NIPBL: variants seen among roughly 807,000 people sequenced by gnomAD.
NIPBL encodes NIPBL cohesin loading factor, also known as nipped-B-like protein.
In NIPBL, 19 loss-of-function variants were observed where a neutral mutation model predicts 321.8. The ratio of observed to expected loss-of-function variants is 0.06; its 90% CI spans 0.04 to 0.09. The LOEUF (loss-of-function observed/expected upper bound fraction) is 0.09, where lower values mean the gene tolerates loss of function less well. NIPBL is among the 10% of genes least tolerant of loss of function. NIPBL has a pLI of 1.00. For missense variants in NIPBL, 2,210 were observed against 3,327.0 expected (o/e 0.66, Z 8.26); for synonymous variants, 1,106 against 1,114.1 (o/e 0.99, Z 0.14).
intron 1 of NIPBL, among the ~76,000 whole-genome samples, chr5:36,932,044 G>T (rs762146533): frequency 1.3e-5 from 2 of 151,968 alleles, no homozygotes; most frequent in African/African-American, 4.8e-5. Flanking sequence ...TTTCTTCTTT[G>T]ACCCATTGAT....
Position 36,975,767 on chromosome 5 carries a change from T to C in NIPBL, c.869-9T>C. On this transcript the variant is annotated splice_polypyrimidine_tract_variant and intron_variant, in intron 8 of 46. Transcript: ENST00000282516. The stretch of plus-strand genomic sequence containing the variant: ...CACAACTGTTACTTCTATCGAATTA[T>C]TTTTCTAGGCTCAAGACCACCTTTA... 1 of 1,613,258 alleles carries C rather than the reference T, an allele frequency of 6.2e-7. No individual in the cohort carries two copies. The highest frequency in any genetic ancestry group is 1.3e-5 in the African/African-American group (1 of 75,026).
At chr5:36,877,751 T>C (rs1337660312) in intron 1 of NIPBL, among the ~76,000 whole-genome samples, 2 of 152,250 alleles carry the variant, frequency 1.3e-5, no homozygotes, top group Non-Finnish European at 2.9e-5. Flanking sequence ...GGTAATTCTT[T>C]CTCTTTCTAA....
chr5:37,001,463 G>A (rs1325928419), intron 14 of NIPBL, among the ~76,000 whole-genome samples: 3 of 152,130 alleles, frequency 2.0e-5, no homozygotes, highest in Non-Finnish European at 4.4e-5. Context: ...AAAGAATCAT[G>A]AGTAAGTGAG....
At chr5:37,027,283 C>A in intron 31 of NIPBL, 76 bp from the exon 32 acceptor site, 2 of 1,150,006 alleles carry the variant, frequency 1.7e-6, no homozygotes, top group Non-Finnish European at 2.6e-6. Flanking sequence ...ATGTTTCAGG[C>A]TAAAGCATAA....
intron 24 of NIPBL, 24 bp downstream of exon 24, chr5:37,017,186 T>C (rs1390616815): frequency 6.3e-7 from 1 of 1,581,742 alleles, no homozygotes; most frequent in Non-Finnish European, 8.7e-7. Context: ...AGATTAAAAT[T>C]ATGGGAATGA....
chr5:37,034,839 A>G (rs1279148725), intron 32 of NIPBL, among the ~76,000 whole-genome samples: 2 of 152,204 alleles, frequency 1.3e-5, no homozygotes, highest in Non-Finnish European at 2.9e-5. Flanking sequence ...GTATGCCATT[A>G]TTTATTAGTA....
chr5:36,904,332 T>C (rs1388519737), intron 1 of NIPBL, among the ~76,000 whole-genome samples: 5 of 152,150 alleles, frequency 3.3e-5, no homozygotes. Context: ...TAGCCGGGCA[T>C]GGTGGCGTGT....
intron 1 of NIPBL, among the ~76,000 whole-genome samples, chr5:36,915,406 C>T (rs1018272594): frequency 9.9e-5 from 15 of 151,852 alleles, no homozygotes; most frequent in Non-Finnish European, 2.1e-4. Context: ...GGACTTGATC[C>T]CTGTACCACC....
In NIPBL at chr5:36,985,777, T is replaced by A. The variant is rs542244170; in HGVS notation, c.2597T>A (p.Leu866Gln). 3 of 1,613,370 alleles carry A rather than the reference T, an allele frequency of 1.9e-6. No homozygotes were observed. The highest frequency in any genetic ancestry group is 1.3e-5 in the African/African-American group (1 of 74,836). ...IKSDSSKTDK[L>Q]ERKHRHESGD... is the part of the protein sequence containing the mutation. ...TCTGATAGTTCAAAAACTGATAAAC[T>A]AGAACGAAAACACAGGCATGAATCA... The change falls in exon 10 of 47, where the codon CTA (leucine) becomes CAA (glutamine). Residue 866 changes from leucine to glutamine, a missense_variant. By Grantham distance (113) the Leu-to-Gln change is moderately radical. This residue lies in a region of NIPBL where 588 missense variants were observed against 564.1 expected (regional missense o/e 1.04). Coordinates refer to ENST00000282516, the MANE Select transcript of NIPBL (RefSeq NM_133433.4).
Position 36,877,166 on chromosome 5 carries a change from C to G in NIPBL, c.-92C>G, listed in dbSNP as rs1745129090. The G allele has an allele frequency of 3.5e-6, 1 of 286,080 alleles. No homozygotes were observed. The highest frequency in any genetic ancestry group is 5.2e-5 in the Admixed American group (1 of 19,128). 17.7% of individuals were successfully genotyped at this position (286,080 alleles called of 1,614,324 possible). A position where few individuals can be genotyped will look rare whatever the true frequency, so the allele number is the denominator to read the frequency against. On this transcript the variant is annotated 5_prime_UTR_variant, in exon 1 of 47. Coordinates refer to ENST00000282516, the MANE Select transcript of NIPBL (RefSeq NM_133433.4). The stretch of plus-strand genomic sequence containing the variant: ...CTCGGCCTCCCCTTGGATTCAGACG[C>G]CGATTCGCCCAGGTAAATTCCTGCT...
rs1395603042 is a variant in NIPBL at position 37,066,191 on chromosome 5, C to G, written c.*1299C>G. ...AATCATTTGATATGTATAGTTGACA[C>G]TCAGGAATAGTAATGCCTAAAATTT... is the stretch of plus-strand genomic sequence containing the variant. On this transcript the variant is annotated 3_prime_UTR_variant, in exon 47 of 47. Transcript: ENST00000282516. 1 of 152,102 alleles carries G rather than the reference C, an allele frequency of 6.6e-6. No homozygotes were observed. The highest frequency in any genetic ancestry group is 1.5e-5 in the Non-Finnish European group (1 of 67,998). 9.4% of individuals were successfully genotyped at this position (152,102 alleles called of 1,614,324 possible).
intron 42 of NIPBL, among the ~76,000 whole-genome samples, chr5:37,055,753 T>C (rs1754021565): frequency 1.3e-5 from 2 of 152,068 alleles, no homozygotes; most frequent in African/African-American, 2.4e-5. Flanking sequence ...AGATGACTCA[T>C]GCTTGTAATC....
intron 1 of NIPBL, among the ~76,000 whole-genome samples, chr5:36,900,897 G>T (rs1039863873): frequency 1.3e-5 from 2 of 151,932 alleles, no homozygotes; most frequent in Non-Finnish European, 2.9e-5. Flanking sequence ...TGCCTTCCTT[G>T]TCTCTTTTAG....
At chr5:36,889,640 C>T (rs1013055155) in intron 1 of NIPBL, among the ~76,000 whole-genome samples, 4 of 152,056 alleles carry the variant, frequency 2.6e-5, no homozygotes, top group Non-Finnish European at 4.4e-5. Context: ...AATTAGTTAC[C>T]TAGCTGTTGA....
At chr5:36,964,141 A>C (rs1741940453) in intron 6 of NIPBL, among the ~76,000 whole-genome samples, 1 of 152,178 alleles carries the variant, frequency 6.6e-6, no homozygotes, top group African/African-American at 2.4e-5. Context: ...AGCCTCACCC[A>C]GATATTAAAG....
At chr5:37,032,283 CAAG>C (rs1386812263) in intron 32 of NIPBL, among the ~76,000 whole-genome samples, 1 of 151,602 alleles carries the variant, frequency 6.6e-6, no homozygotes, top group Non-Finnish European at 1.5e-5. Context: ...CATTTTATCT[CAAG>C]GAAAAAACGG....
At chr5:37,022,519 C>A (rs2149699403) in intron 29 of NIPBL, 129 bp downstream of exon 29, 1 of 782,092 alleles carries the variant, frequency 1.3e-6, no homozygotes, top group Non-Finnish European at 2.0e-6. Flanking sequence ...AATTTATGAA[C>A]TATTGCCACT....
intron 3 of NIPBL, among the ~76,000 whole-genome samples, chr5:36,956,904 T>A (rs1174670172): frequency 6.6e-6 from 1 of 152,004 alleles, no homozygotes; most frequent in African/African-American, 2.4e-5. Context: ...GGATTATAGG[T>A]GTGAGCCACT....
intron 10 of NIPBL, 150 bp downstream of exon 10, chr5:36,986,451 G>T: frequency 3.6e-6 from 2 of 552,254 alleles, no homozygotes; most frequent in Non-Finnish European, 5.6e-6. Flanking sequence ...TTTTTCAGGA[G>T]TATAGATAAA....
Sources: allele counts gnomAD v4.1 joint callset (sites outside exome capture counted in the v4.1 genomes callset), GRCh38; gene constraint gnomAD v4.1.1; regional missense constraint gnomAD v4.1.1; transcripts MANE v1.5; gene names NCBI Gene and HGNC (gene_info 2026-07-23, HGNC 2026-07-21).